A1BG: variants seen among roughly 807,000 people sequenced by gnomAD.
The protein encoded by A1BG is alpha-1B-glycoprotein.
A neutral mutation model predicts 46.0 loss-of-function variants in A1BG; 44 were observed. The observed-to-expected ratio is 0.96, with a 90% CI of 0.75 to 1.23. The LOEUF (loss-of-function observed/expected upper bound fraction) is 1.23. Ranked by LOEUF, A1BG falls within the 50% of genes most tolerant of loss-of-function variation. The pLI, the probability that A1BG is intolerant of heterozygous loss-of-function variation, is 0.00. For missense variants in A1BG, 707 were observed against 688.8 expected, an observed-to-expected ratio of 1.03 and a Z score of -0.30; for synonymous variants, 316 against 314.7, an observed-to-expected ratio of 1.00 and a Z score of -0.04.
chr19:58,345,277 G>A lies in A1BG; in HGVS notation c.*1745C>T, dbSNP rs1474879767. Reference sequence around the variant, plus strand: ...GCAACTAAGCACTTGGGGAAAAAATGCTTAACATCATCAGACATTAAGGAA... The same window carrying A: ...GCAACTAAGCACTTGGGGAAAAAATACTTAACATCATCAGACATTAAGGAA... On this transcript the variant is annotated 3_prime_UTR_variant, in exon 8 of 8. Coordinates refer to ENST00000263100, the MANE Select transcript of A1BG (RefSeq NM_130786.4). The A allele has an allele frequency of 6.6e-6, 1 of 152,180 alleles. No individual in the cohort carries two copies. Among genetic ancestry groups the A allele is most frequent in the Non-Finnish European group, 1.5e-5 (1 of 68,042 alleles). 9.4% of individuals were successfully genotyped at this position (152,180 alleles called of 1,614,324 possible). A position where few individuals can be genotyped will look rare whatever the true frequency, so the allele number is the denominator to read the frequency against.
rs2051968481 is a variant in A1BG at position 58,352,355 on chromosome 19, T to C, written c.541A>G (p.Ser181Gly). The C allele has an allele frequency of 6.2e-7, 1 of 1,613,846 alleles. No homozygotes were observed. Among genetic ancestry groups the C allele is most frequent in the Non-Finnish European group, 8.5e-7 (1 of 1,180,028 alleles). ...TFPVHQPGNY[S>G]CSYRTDGEGA... ...TCCCCATCGGTCCGGTAGCTGCAGC[T>C]GTAGTTGCCAGGCTGATGGACTGGA... Residue 181 changes from serine to glycine, a missense_variant, in exon 4 of 8, where the codon AGC (serine) becomes GGC (glycine). Coordinates refer to ENST00000263100, the MANE Select transcript of A1BG (RefSeq NM_130786.4).
intron 6 of A1BG, chr19:58,349,209 G>A (rs1050664869): frequency 1.3e-5 from 2 of 151,898 alleles, no homozygotes; most frequent in African/African-American, 4.8e-5. Flanking sequence ...GTAGAGACAG[G>A]GTTTCTCCAT....
At chr19:58,347,091 G>A in intron 7 of A1BG, 62 bp from the exon 8 acceptor site, 1 of 1,598,100 alleles carries the variant, frequency 6.3e-7, no homozygotes, top group Non-Finnish European at 8.6e-7. Flanking sequence ...TCCTCCTCGC[G>A]GAAATCAAGG....
At chr19:58,347,224 C>A in intron 7 of A1BG, 129 bp downstream of exon 7, 1 of 1,403,276 alleles carries the variant, frequency 7.1e-7, no homozygotes, top group Non-Finnish European at 9.6e-7. Flanking sequence ...CCCCCACGAG[C>A]CCTGGGGAGA....
chr19:58,351,354 C>G, intron 5 of A1BG, 37 bp downstream of exon 5: 1 of 1,597,640 alleles, frequency 6.3e-7, no homozygotes, highest in Non-Finnish European at 8.5e-7. Flanking sequence ...TCCCCAGGGA[C>G]CCAGCCGCGT....
intron 5 of A1BG, 120 bp downstream of exon 5, chr19:58,351,271 G>C: frequency 7.9e-7 from 1 of 1,258,080 alleles, no homozygotes; most frequent in East Asian, 2.4e-5. Context: ...GCGGGTGGGC[G>C]GATAAAGTTG....
intron 6 of A1BG, among the ~76,000 whole-genome samples, chr19:58,348,268 C>T (rs1400588951): frequency 6.6e-5 from 10 of 152,178 alleles, no homozygotes; most frequent in Admixed American, 3.3e-4. Flanking sequence ...AGGAAAATTG[C>T]TTGAACCTGG....
In A1BG at chr19:58,352,305, A is replaced by G; in HGVS notation, c.591T>C (p.Ala197=). The change falls in exon 4 of 8, where the codon GCT becomes GCC. Residue 197 remains alanine (A), a synonymous_variant. Transcript: ENST00000263100. ...DGEGALSEPS[A]TVTIEELAAP... Reference sequence around the variant, plus strand: ...CACCGAGCTCCTCAATGGTCACAGTAGCGCTGGGCTCAGAGAGGGCGCCTT... The same window carrying G: ...CACCGAGCTCCTCAATGGTCACAGTGGCGCTGGGCTCAGAGAGGGCGCCTT... 6.2e-7 allele frequency: 1 copy of G among 1,613,884 alleles called. No individual in the cohort carries two copies. Among genetic ancestry groups the G allele is most frequent in the Non-Finnish European group, 8.5e-7 (1 of 1,180,008 alleles).
intron 6 of A1BG, 72 bp from the exon 7 acceptor site, chr19:58,347,712 A>G (rs62116376): frequency 0.011 from 4,043 of 377,328 alleles, 108 homozygotes; most frequent in African/African-American, 0.021. Context: ...CCCAGGCCAC[A>G]CCCCAGGCCG....
intron 1 of A1BG, 30 bp downstream of exon 1, chr19:58,353,374 C>G: frequency 6.2e-7 from 1 of 1,611,938 alleles, no homozygotes; most frequent in Non-Finnish European, 8.5e-7. Context: ...CCCCTCCCGC[C>G]CCAGGGACCC....
At position 58,350,569 on chromosome 19, in the gene A1BG, G is replaced by T. The variant is rs1209596790; in HGVS notation, c.993C>A (p.Gly331=). The change falls in exon 6 of 8, where the codon GGC becomes GGA. Residue 331 remains glycine, a synonymous_variant. Coordinates refer to ENST00000263100, the MANE Select transcript of A1BG (RefSeq NM_130786.4). ...CCTCGCGCACCAGGGCGAAGCGCGCGCCCTCCAGGGGCGCCAGGCACCGCA... is the reference window on the plus strand; with the variant it reads ...CCTCGCGCACCAGGGCGAAGCGCGCTCCCTCCAGGGGCGCCAGGCACCGCA... The part of the protein sequence containing the change: ...LRLRCLAPLE[G]ARFALVREDR... 1.3e-6 allele frequency: 2 copies of T among 1,540,436 alleles called. No individual in the cohort carries two copies. Among genetic ancestry groups the T allele is most frequent in the African/African-American group, 2.8e-5 (2 of 71,938 alleles).
In A1BG at chr19:58,345,388, G is replaced by A. The variant is rs2147997200; in HGVS notation, c.*1634C>T. 1 of 152,320 alleles carries A rather than the reference G, an allele frequency of 6.6e-6. No individual in the cohort carries two copies. The highest frequency in any genetic ancestry group is 1.9e-4 in the East Asian group (1 of 5,186). The allele number at this position is 152,320 out of a possible 1,614,324, so 9.4% of individuals were successfully genotyped here. On this transcript the variant is annotated 3_prime_UTR_variant, in exon 8 of 8. Transcript: ENST00000263100. ...TTTTAAAAAACTAAGCTGGGGCTGG[G>A]CGTGGTGGCTCACCCCTGTAATCCC...
Position 58,346,893 on chromosome 19 carries a change from G to T in A1BG, c.*129C>A. ...TCTCTTCACATTTATTAATTCCTGGGAGGAATGAGGGAGGCTTCTCCAGCC... is the reference window on the plus strand; with the variant it reads ...TCTCTTCACATTTATTAATTCCTGGTAGGAATGAGGGAGGCTTCTCCAGCC... On this transcript the variant is annotated 3_prime_UTR_variant, in exon 8 of 8. Coordinates refer to ENST00000263100, the MANE Select transcript of A1BG (RefSeq NM_130786.4). 1.0e-6 allele frequency: 1 copy of T among 956,190 alleles called. No homozygotes were observed. The highest frequency in any genetic ancestry group is 1.7e-6 in the Non-Finnish European group (1 of 580,070). 59.2% of individuals were successfully genotyped at this position (956,190 alleles called of 1,614,324 possible). A position where few individuals can be genotyped will look rare whatever the true frequency, so the allele number is the denominator to read the frequency against.
chr19:58,347,704 CA>C, intron 6 of A1BG, 64 bp from the exon 7 acceptor site: 1 of 557,648 alleles, frequency 1.8e-6, no homozygotes, highest in Non-Finnish European at 2.6e-6. Context: ...GGCCACACCC[CA>C]GGCCACACCC....
In A1BG at chr19:58,353,194, T is replaced by G; in HGVS notation, c.74A>C (p.Tyr25Ser). The change falls in exon 3 of 8, where the codon TAT (tyrosine) becomes TCT (serine). Residue 25 changes from tyrosine (Y) to serine (S), a missense_variant. By Grantham distance (144) the Tyr-to-Ser change is moderately radical. Coordinates refer to ENST00000263100, the MANE Select transcript of A1BG (RefSeq NM_130786.4). ...TGCCCACAGGCTGGGCTGCGTCTCATAAACTGCAAGGGGTGGCTGGGATCA... is the reference window on the plus strand; with the variant it reads ...TGCCCACAGGCTGGGCTGCGTCTCAGAAACTGCAAGGGGTGGCTGGGATCA... ...WGPVTEAAIF[Y>S]ETQPSLWAES... 1.2e-6 allele frequency: 2 copies of G among 1,613,626 alleles called. No homozygotes were observed. The highest frequency in any genetic ancestry group is 1.7e-6 in the Non-Finnish European group (2 of 1,179,674).
Position 58,346,969 on chromosome 19 carries a change from A to C in A1BG, c.*53T>G. Reference sequence around the variant, plus strand: ...CAACAGGAGGGGAGGGAGCCAGTCCAGAATCCCCGGCACTTCTGAGGACAC... The same window carrying C: ...CAACAGGAGGGGAGGGAGCCAGTCCCGAATCCCCGGCACTTCTGAGGACAC... On this transcript the variant is annotated 3_prime_UTR_variant, in exon 8 of 8. Transcript: ENST00000263100. The C allele has an allele frequency of 5.6e-6, 9 of 1,610,778 alleles. No individual in the cohort carries two copies. The South Asian group carries it at 9.9e-5, about 18-fold the overall frequency.
chr19:58,353,251 G>A (rs367666564), intron 2 of A1BG, 41 bp downstream of exon 2: 17 of 1,613,556 alleles, frequency 1.1e-5, no homozygotes, highest in East Asian at 2.2e-5. Context: ...GCTCCCCCCC[G>A]GCCTGGGCCC....
intron 6 of A1BG, chr19:58,348,786 T>C (rs2051933516): frequency 6.6e-6 from 1 of 152,280 alleles, no homozygotes; most frequent in East Asian, 1.9e-4. Context: ...TTAGTGTGGA[T>C]TTACAAATTT....
chr19:58,346,985 C>A lies in A1BG; in HGVS notation c.*37G>T. ...AGCCAGTCCAGAATCCCCGGCACTTCTGAGGACACCAACAGCACCCTGGGC... is the reference window on the plus strand; with the variant it reads ...AGCCAGTCCAGAATCCCCGGCACTTATGAGGACACCAACAGCACCCTGGGC... On this transcript the variant is annotated 3_prime_UTR_variant, in exon 8 of 8. Coordinates refer to ENST00000263100, the MANE Select transcript of A1BG (RefSeq NM_130786.4). The A allele has an allele frequency of 5.0e-6, 8 of 1,613,916 alleles. No homozygotes were observed. The highest frequency in any genetic ancestry group is 6.8e-6 in the Non-Finnish European group (8 of 1,179,824).
Sources: allele counts gnomAD v4.1 joint callset (sites outside exome capture counted in the v4.1 genomes callset), GRCh38; gene constraint gnomAD v4.1.1; transcripts MANE v1.5; gene names NCBI Gene and HGNC (gene_info 2026-07-23, HGNC 2026-07-21).